Variants in PLXNC1 observed in about 807,000 individuals in gnomAD.
The protein encoded by PLXNC1 is plexin C1, also known as plexin-C1.
In PLXNC1, 75 loss-of-function variants were observed where a neutral mutation model predicts 178.2. The ratio of observed to expected loss-of-function variants is 0.42; its 90% CI spans 0.35 to 0.51. PLXNC1 has a LOEUF of 0.51. Among genes scored for constraint, PLXNC1 ranks in the 20% least tolerant of loss-of-function variants. The probability of loss-of-function intolerance (pLI) is 0.02; values close to 1 mark genes in which losing one functional copy is unlikely to be tolerated. For missense variants in PLXNC1, 1,503 were observed against 1,984.4 expected (o/e 0.76, Z 4.61); for synonymous variants, 790 against 779.9 (o/e 1.01, Z -0.22).
In PLXNC1 at chr12:94,149,434, T is replaced by A; in HGVS notation, c.463T>A (p.Ser155Thr). 1 of 1,458,476 alleles carries A rather than the reference T, an allele frequency of 6.9e-7. No homozygotes were observed. Among genetic ancestry groups the A allele is most frequent in the Non-Finnish European group, 9.0e-7 (1 of 1,114,246 alleles). 90.3% of individuals were successfully genotyped at this position (1,458,476 alleles called of 1,614,324 possible). A position where few individuals can be genotyped will look rare whatever the true frequency, so the allele number is the denominator to read the frequency against. ...CCTGCGCAACGGCACCGAGGTGGTG[T>A]CGTGCCACCCGCAGGGCTCGACGGC... ...NSLRNGTEVV[S>T]CHPQGSTAGV... Residue 155 changes from serine to threonine, a missense_variant, in exon 1 of 31, where the codon TCG (serine) becomes ACG (threonine). Physicochemically the swap from Ser to Thr is moderately conservative, Grantham distance 58. Around this residue, in one of 4 missense-constraint regions of PLXNC1, gnomAD observed 73 missense variants for 125.4 expected, o/e 0.58. Transcript: ENST00000258526.
chr12:94,167,279 A>T (rs1274811471), intron 1 of PLXNC1, among the ~76,000 whole-genome samples: 1 of 152,184 alleles, frequency 6.6e-6, no homozygotes, highest in Non-Finnish European at 1.5e-5. Context: ...CCTACTGTAT[A>T]CCAGACCTGG....
chr12:94,149,632 G>T lies in PLXNC1; in HGVS notation c.661G>T (p.Gly221Trp). Reference protein sequence around the residue: ...EGRSLATQELGRLKLCEGAGS... With the variant: ...EGRSLATQELWRLKLCEGAGS... ...GCGCAGCCTGGCCACGCAGGAGCTG[G>T]GGCGCCTCAAGCTGTGCGAGGGCGC... The change falls in exon 1 of 31, where the codon GGG becomes TGG. Residue 221 changes from glycine to tryptophan, a missense_variant. Transcript: ENST00000258526. 1.3e-6 allele frequency: 2 copies of T among 1,595,838 alleles called. No individual in the cohort carries two copies. Among genetic ancestry groups the T allele is most frequent in the Non-Finnish European group, 8.5e-7 (1 of 1,171,832 alleles).
intron 1 of PLXNC1, among the ~76,000 whole-genome samples, chr12:94,158,453 T>G (rs7134623): frequency 0.012 from 1,797 of 152,270 alleles, 34 homozygotes; most frequent in African/African-American, 0.041. Context: ...AAACCTTGCC[T>G]TTAAAATAAA....
At chr12:94,253,005 G>T (rs917789706) in intron 15 of PLXNC1, among the ~76,000 whole-genome samples, 1 of 152,066 alleles carries the variant, frequency 6.6e-6, no homozygotes, top group Non-Finnish European at 1.5e-5. Context: ...GAGGTCAGCA[G>T]ATCGAGACCA....
At chr12:94,293,185 GT>G (rs995894550) in intron 23 of PLXNC1, among the ~76,000 whole-genome samples, 2 of 152,040 alleles carry the variant, frequency 1.3e-5, no homozygotes, top group African/African-American at 4.8e-5. Context: ...CATTTTCATT[GT>G]TTTATAAACT....
At chr12:94,241,642 C>G (rs1455301206) in intron 11 of PLXNC1, among the ~76,000 whole-genome samples, 1 of 152,166 alleles carries the variant, frequency 6.6e-6, no homozygotes, top group Non-Finnish European at 1.5e-5. Context: ...GCTTATTTCA[C>G]TTAACATAAT....
rs891889310 is a variant in PLXNC1 at position 94,275,624 on chromosome 12, C to T, written c.3598-3848C>T. Among the ~76,000 whole-genome samples the T allele has an allele frequency of 9.3e-5, 8 of 86,314 alleles. 2 individuals are homozygous for T. The highest frequency in any genetic ancestry group is 3.5e-4 in the African/African-American group (7 of 20,002). 56.6% of individuals were successfully genotyped at this position (86,314 alleles called of 152,430 possible). A position where few individuals can be genotyped will look rare whatever the true frequency, so the allele number is the denominator to read the frequency against. On this transcript the variant is annotated intron_variant, in intron 21 of 30. Transcript: ENST00000258526. Reference sequence around the variant, plus strand: ...ATCCCAGCACTTTGGGAGGCCGAGGCGGGCGGATCACGAGGTCAGGAGATC... The same window carrying T: ...ATCCCAGCACTTTGGGAGGCCGAGGTGGGCGGATCACGAGGTCAGGAGATC...
chr12:94,161,486 A>C (rs1261801709), intron 1 of PLXNC1, among the ~76,000 whole-genome samples: 1 of 152,216 alleles, frequency 6.6e-6, no homozygotes, highest in Non-Finnish European at 1.5e-5. Context: ...TGTTCTTTCT[A>C]TTCTTCCATG....
chr12:94,249,943 G>A (rs1268852147), intron 14 of PLXNC1, among the ~76,000 whole-genome samples: 2 of 130,964 alleles, frequency 1.5e-5, no homozygotes, highest in Non-Finnish European at 3.3e-5. Context: ...GGGGGTGGGG[G>A]GGTGGGAACA....
At position 94,240,608 on chromosome 12, in the gene PLXNC1, A is replaced by C. The variant is rs776836798; in HGVS notation, c.2244A>C (p.Leu748Phe). Residue 748 changes from leucine (L) to phenylalanine (F), a missense_variant, in exon 11 of 31, where the codon TTA becomes TTC. Physicochemically the swap from Leu to Phe is conservative, Grantham distance 22. This residue lies in a region of PLXNC1 where 615 missense variants were observed against 698.6 expected (regional missense o/e 0.88). Transcript: ENST00000258526. ...DGGNCSSVGS[L>F]SYIALPHCSL... ...GGAACTGCTCTTCTGTGGGATCCTT[A>C]TCCTACATTGCTCTGCCACATTGTT... The C allele has an allele frequency of 1.2e-6, 2 of 1,613,988 alleles. No homozygotes were observed. The highest frequency in any genetic ancestry group is 2.2e-5 in the South Asian group (2 of 91,074).
intron 4 of PLXNC1, among the ~76,000 whole-genome samples, chr12:94,206,451 T>G (rs961375312): frequency 1.3e-5 from 2 of 151,796 alleles, no homozygotes; most frequent in African/African-American, 2.4e-5. Flanking sequence ...GTTTTTCACA[T>G]AAGGGAAGTC....
chr12:94,168,952 G>T (rs952675670), intron 1 of PLXNC1, among the ~76,000 whole-genome samples: 2 of 152,118 alleles, frequency 1.3e-5, no homozygotes, highest in Non-Finnish European at 1.5e-5. Flanking sequence ...GTAAACAGGG[G>T]TTTTCTTTGG....
intron 3 of PLXNC1, among the ~76,000 whole-genome samples, chr12:94,185,471 T>G (rs890822564): frequency 2.0e-5 from 3 of 152,194 alleles, no homozygotes; most frequent in African/African-American, 7.2e-5. Flanking sequence ...GTGCTCTGTG[T>G]GATGCTCAGT....
chr12:94,268,067 C>T (rs190772036), intron 21 of PLXNC1, among the ~76,000 whole-genome samples: 1 of 152,276 alleles, frequency 6.6e-6, no homozygotes, highest in East Asian at 1.9e-4. Context: ...CCTCACGAAC[C>T]ACTTGAAATG....
At position 94,307,024 on chromosome 12, in the gene PLXNC1, A is replaced by G. The variant is rs1010255609; in HGVS notation, c.*1739A>G. 10 of 152,238 alleles carry G rather than the reference A, an allele frequency of 6.6e-5. No individual in the cohort carries two copies. The highest frequency in any genetic ancestry group is 1.3e-4 in the Non-Finnish European group (9 of 68,046). 9.4% of individuals were successfully genotyped at this position (152,238 alleles called of 1,614,324 possible). A position where few individuals can be genotyped will look rare whatever the true frequency, so the allele number is the denominator to read the frequency against. ...AGTAGGAAAGTTGAGAGCCAAGGGT[A>G]GGAGAGTTGCCCAAAAGACTTCCCC... On this transcript the variant is annotated 3_prime_UTR_variant, in exon 31 of 31. Coordinates refer to ENST00000258526, the MANE Select transcript of PLXNC1 (RefSeq NM_005761.3).
intron 23 of PLXNC1, among the ~76,000 whole-genome samples, chr12:94,283,707 G>A (rs1221390374): frequency 6.6e-6 from 1 of 152,172 alleles, no homozygotes; most frequent in Non-Finnish European, 1.5e-5. Context: ...CTGTCTTCTT[G>A]CACTGAGTCA....
At position 94,260,859 on chromosome 12, in the gene PLXNC1, A is replaced by G. The variant is rs997331282; in HGVS notation, c.3450+19A>G. On this transcript the variant is annotated intron_variant, in intron 20 of 30. Coordinates refer to ENST00000258526, the MANE Select transcript of PLXNC1 (RefSeq NM_005761.3). The surrounding 1 kb of genome is among the most constrained non-coding windows in gnomAD (Gnocchi z 4.4). ...TCTCCGGGTAAGTGTCACATCCCTCAGCAATGTCAGAGGTAAGACAATAGG... is the reference window on the plus strand; with the variant it reads ...TCTCCGGGTAAGTGTCACATCCCTCGGCAATGTCAGAGGTAAGACAATAGG... 3.1e-6 allele frequency: 5 copies of G among 1,608,732 alleles called. No homozygotes were observed. Among genetic ancestry groups the G allele is most frequent in the Middle Eastern group, 1.6e-4 (1 of 6,068 alleles).
intron 23 of PLXNC1, among the ~76,000 whole-genome samples, chr12:94,291,081 G>A (rs545199133): frequency 3.4e-4 from 52 of 152,344 alleles, no homozygotes; most frequent in African/African-American, 1.1e-3. Flanking sequence ...GGGTGTGGGG[G>A]AGGGGCACTG....
chr12:94,192,980 A>T (rs569825602), intron 4 of PLXNC1, among the ~76,000 whole-genome samples: 8 of 152,272 alleles, frequency 5.3e-5, no homozygotes, highest in African/African-American at 1.7e-4. Flanking sequence ...GGCACATAAA[A>T]TTATCTAACC....
Sources: allele counts gnomAD v4.1 joint callset (sites outside exome capture counted in the v4.1 genomes callset), GRCh38; gene constraint gnomAD v4.1.1; regional missense constraint gnomAD v4.1.1; non-coding constraint Gnocchi (gnomAD v3.1); transcripts MANE v1.5; gene names NCBI Gene and HGNC (gene_info 2026-07-23, HGNC 2026-07-21).